PHF8: variants seen among roughly 807,000 people sequenced by gnomAD.
The protein encoded by PHF8 is histone lysine demethylase PHF8.
In PHF8, 9 loss-of-function variants were observed where a neutral mutation model predicts 74.4. The observed-to-expected ratio is 0.12, with a 90% CI of 0.07 to 0.21. PHF8 has a LOEUF of 0.21. Ranked by LOEUF, PHF8 falls within the 10% of genes least tolerant of loss-of-function variation. The pLI, the probability that PHF8 is intolerant of heterozygous loss-of-function variation, is 1.00. For missense variants in PHF8, 478 were observed against 816.6 expected, an observed-to-expected ratio of 0.59 and a Z score of 5.05; for synonymous variants, 311 against 316.6, an observed-to-expected ratio of 0.98 and a Z score of 0.19.
chrX:54,028,116 G>T (rs1557111809), intron 2 of PHF8, among the ~76,000 whole-genome samples: 1 of 110,562 alleles, frequency 9.0e-6, no homozygotes, highest in Admixed American at 9.7e-5. Flanking sequence ...AGACCCAAAG[G>T]GAGTAAGGGA....
In PHF8 at chrX:53,987,803, T is replaced by C; in HGVS notation, c.1872A>G (p.Arg624=). The C allele has an allele frequency of 8.3e-7, 1 of 1,207,945 alleles. No homozygotes were observed. The highest frequency in any genetic ancestry group is 1.1e-6 in the Non-Finnish European group (1 of 893,194). The part of the protein sequence containing the change: ...DSDDELQIDE[R]LGKEKATLII... ...TCAGGGTCGCCTTCTCCTTTCCCAA[T>C]CTCTCGTCAATCTGCAGCTCATCAT... The change falls in exon 15 of 22, where the codon AGA becomes AGG. Residue 624 remains arginine (R), a synonymous_variant. Coordinates refer to ENST00000338154, the MANE Select transcript of PHF8 (RefSeq NM_015107.3).
rs1247852278 is a variant in PHF8, at chrX:53,977,847, C to T, written c.2443+7067G>A. Among the ~76,000 whole-genome samples, 3 of 108,098 alleles carry T rather than the reference C, an allele frequency of 2.8e-5. No individual in the cohort carries two copies. The Admixed American group carries it at 3.0e-4, about 11-fold the overall frequency. The allele number at this position is 108,098 out of a possible 115,157, so 93.9% of individuals were successfully genotyped here. A position where few individuals can be genotyped will look rare whatever the true frequency, so the allele number is the denominator to read the frequency against. On this transcript the variant is annotated intron_variant, in intron 18 of 21. Transcript: ENST00000338154. ...ATTTTTAGTAGAGACGGGGTTTCAC[C>T]GTGTTAGCCAGGATGGTCTCAATCT...
At chrX:54,046,260 A>G (rs1458402526), upstream of PHF8, among the ~76,000 whole-genome samples, 2 of 110,512 alleles carry the variant, frequency 1.8e-5, no homozygotes, top group African/African-American at 3.3e-5. Flanking sequence ...TGAAGCTTAT[A>G]TGGTTTGGGG....
chrX:54,020,506 A>G (rs1569528986), intron 4 of PHF8, among the ~76,000 whole-genome samples: 1 of 111,524 alleles, frequency 9.0e-6, no homozygotes, highest in Non-Finnish European at 1.9e-5. Flanking sequence ...TCAAATATAT[A>G]TTTTTTTAAA....
At chrX:53,959,362 G>A (rs782801477) in intron 19 of PHF8, among the ~76,000 whole-genome samples, 1 of 111,627 alleles carries the variant, frequency 9.0e-6, no homozygotes, top group Non-Finnish European at 1.9e-5. Context: ...CTTCTACTTT[G>A]CATCCTTGCG....
intron 19 of PHF8, among the ~76,000 whole-genome samples, chrX:53,961,301 G>A (rs1481750423): frequency 9.2e-6 from 1 of 109,064 alleles, no homozygotes; most frequent in African/African-American, 3.3e-5. Context: ...GGGATTAAAG[G>A]CATGAGCCAC....
intron 19 of PHF8, among the ~76,000 whole-genome samples, chrX:53,957,198 A>C (rs1196002317): frequency 3.6e-5 from 4 of 109,793 alleles, no homozygotes; most frequent in African/African-American, 1.3e-4. Flanking sequence ...TACAAAAAAA[A>C]AAAAAAAATT....
chrX:53,962,963 G>A (rs373857495), intron 18 of PHF8, 24 bp from the exon 19 acceptor site: 130 of 953,122 alleles, frequency 1.4e-4, no homozygotes, highest in Non-Finnish European at 2.0e-4. Flanking sequence ...GGAAAACAGG[G>A]TAAAATGAGA....
Position 53,939,052 on chromosome X carries a change from C to T in PHF8, c.*106G>A, listed in dbSNP as rs1332871364. The T allele has an allele frequency of 1.8e-6, 2 of 1,122,715 alleles. No individual in the cohort carries two copies. The highest frequency in any genetic ancestry group is 2.4e-6 in the Non-Finnish European group (2 of 850,041). The allele number at this position is 1,122,715 out of a possible 1,213,427, so 92.5% of individuals were successfully genotyped here. A position where few individuals can be genotyped will look rare whatever the true frequency, so the allele number is the denominator to read the frequency against. ...TAAGTCCCAAGAAAGCAGGACAATG[C>T]ACCTCAGCACCTTGTCCAGGGCAGA... is the stretch of plus-strand genomic sequence containing the variant. On this transcript the variant is annotated 3_prime_UTR_variant, in exon 22 of 22. Transcript: ENST00000338154.
intron 18 of PHF8, among the ~76,000 whole-genome samples, chrX:53,968,038 G>A (rs1557093541): frequency 1.9e-5 from 2 of 103,199 alleles, no homozygotes; most frequent in Non-Finnish European, 3.9e-5. Flanking sequence ...TTGTTTATCT[G>A]CTGACCTTCC....
chrX:54,006,299 T>C (rs1051733191), intron 8 of PHF8, among the ~76,000 whole-genome samples: 1 of 110,556 alleles, frequency 9.0e-6, no homozygotes, highest in Non-Finnish European at 1.9e-5. Flanking sequence ...CTGGGCAACA[T>C]GGCAAAACCC....
intron 19 of PHF8, among the ~76,000 whole-genome samples, chrX:53,952,486 G>T (rs2064941192): frequency 9.0e-6 from 1 of 111,279 alleles, no homozygotes; most frequent in South Asian, 3.7e-4. Context: ...ATAACCCTGT[G>T]TTCATGAACA....
chrX:54,035,968 G>T (rs2146502803), intron 2 of PHF8, among the ~76,000 whole-genome samples: 1 of 109,987 alleles, frequency 9.1e-6, no homozygotes, highest in East Asian at 2.8e-4. Flanking sequence ...AAAATTAGCT[G>T]GGCGTGGTGG....
chrX:54,042,870 C>T (rs1486899076), intron 1 of PHF8, 50 bp from the exon 2 acceptor site: 19 of 875,949 alleles, frequency 2.2e-5, no homozygotes, highest in Non-Finnish European at 2.8e-5. Context: ...CCGCCCCCCA[C>T]CCCCTTGCAC....
At chrX:54,029,303 C>G (rs1557112036) in intron 2 of PHF8, among the ~76,000 whole-genome samples, 1 of 111,762 alleles carries the variant, frequency 8.9e-6, no homozygotes, top group East Asian at 2.8e-4. Flanking sequence ...TCCTATCAAC[C>G]CATGCTTAAA....
intron 14 of PHF8, among the ~76,000 whole-genome samples, chrX:53,988,679 T>C (rs1157437003): frequency 1.0e-5 from 1 of 99,897 alleles, no homozygotes; most frequent in East Asian, 3.1e-4. Context: ...TGGAGTTCAA[T>C]GGCATGATCT....
At chrX:54,048,257 G>A (rs998722809), upstream of PHF8, among the ~76,000 whole-genome samples, 4 of 110,841 alleles carry the variant, frequency 3.6e-5, no homozygotes, top group Non-Finnish European at 5.7e-5. Context: ...ACAGGTGGGG[G>A]TCAGGGTCTC....
At chrX:53,978,034 C>G (rs1174303073) in intron 18 of PHF8, among the ~76,000 whole-genome samples, 1 of 106,593 alleles carries the variant, frequency 9.4e-6, no homozygotes, top group Non-Finnish European at 1.9e-5. Context: ...CAACCTCCAC[C>G]TCCCAGGTTG....
At chrX:53,967,401 C>T (rs1406383932) in intron 18 of PHF8, among the ~76,000 whole-genome samples, 7 of 98,159 alleles carry the variant, frequency 7.1e-5, no homozygotes, top group Admixed American at 1.0e-4. Flanking sequence ...CCGCCCCGTC[C>T]GGGAGGTGAG....
Sources: allele counts gnomAD v4.1 joint callset (sites outside exome capture counted in the v4.1 genomes callset), GRCh38; gene constraint gnomAD v4.1.1; transcripts MANE v1.5; gene names NCBI Gene and HGNC (gene_info 2026-07-23, HGNC 2026-07-21).